ABL1: variants seen among roughly 807,000 people sequenced by gnomAD.
ABL1 encodes the protein ABL proto-oncogene 1, non-receptor tyrosine kinase.
In ABL1, 11 loss-of-function variants were observed where a neutral mutation model predicts 94.7. The ratio of observed to expected loss-of-function variants is 0.12; its 90% CI spans 0.07 to 0.19. The LOEUF (loss-of-function observed/expected upper bound fraction) is 0.19, where lower values mean the gene tolerates loss of function less well. Ranked by LOEUF, ABL1 falls within the 10% of genes least tolerant of loss-of-function variation. ABL1 has a pLI of 1.00. For synonymous variants in ABL1, 656 were observed against 622.4 expected (o/e 1.05, Z -0.80); for missense variants, 1,082 against 1,489.4 (o/e 0.73, Z 4.50).
chr9:130,816,025 TATAA>T (rs1830281661), intron 1 of ABL1, among the ~76,000 whole-genome samples: 1 of 152,030 alleles, frequency 6.6e-6, no homozygotes, highest in Admixed American at 6.6e-5. Context: ...TCTCAAAAAA[TATAA>T]ATAAATAAAC....
At chr9:130,725,417 G>T (rs1319353278) in intron 1 of ABL1, among the ~76,000 whole-genome samples, 1 of 152,098 alleles carries the variant, frequency 6.6e-6, no homozygotes, top group Admixed American at 6.6e-5. Flanking sequence ...TTTTGCTCTT[G>T]TTGCCCAGGC....
At position 130,755,201 on chromosome 9, in the gene ABL1, G is replaced by A. The variant is rs1364466517; in HGVS notation, c.136+40746G>A. Among the ~76,000 whole-genome samples the A allele has an allele frequency of 2.0e-5, 3 of 152,308 alleles. No homozygotes were observed. The East Asian group carries it at 5.8e-4, about 29-fold the overall frequency. The stretch of plus-strand genomic sequence containing the variant: ...AAATTATTCTGTAATCTGAATTTAG[G>A]TTGGGAGTGGAAAGGAGTACCCTTA... On this transcript the variant is annotated intron_variant, in intron 1 of 10. Coordinates refer to the ABL1 transcript ENST00000372348.
chr9:130,811,601 C>A (rs1000338112), intron 1 of ABL1, among the ~76,000 whole-genome samples: 9 of 151,938 alleles, frequency 5.9e-5, no homozygotes, highest in Non-Finnish European at 1.3e-4. Context: ...ATGATAAAAT[C>A]TATAGTAGCA....
chr9:130,806,849 A>G (rs1428451867), intron 1 of ABL1, among the ~76,000 whole-genome samples: 1 of 152,108 alleles, frequency 6.6e-6, no homozygotes, highest in Non-Finnish European at 1.5e-5. Flanking sequence ...TTTCATCATT[A>G]TTTTAAAAAA....
chr9:130,808,760 A>G (rs760857826), intron 1 of ABL1, among the ~76,000 whole-genome samples: 1 of 152,194 alleles, frequency 6.6e-6, no homozygotes, highest in Non-Finnish European at 1.5e-5. Flanking sequence ...TGTATACTCA[A>G]CTACTTATCT....
intron 1 of ABL1, among the ~76,000 whole-genome samples, chr9:130,750,411 C>CCCTT (rs1831946237): frequency 1.5e-4 from 3 of 20,036 alleles, no homozygotes; most frequent in African/African-American, 7.4e-4. Flanking sequence ...CTCCCTCCCT[C>CCCTT]CCTCCCTCCC....
In ABL1 at chr9:130,880,141, A is replaced by G. The variant is rs2227985; in HGVS notation, c.1497A>G (p.Glu499=). ...IHQAFETMFQ[E]SSISDEVEKE... is the part of the protein sequence containing the mutation. ...AAGCCTTTGAAACAATGTTCCAGGAATCCAGTATCTCAGACGGTAAAGTAC... is the reference window on the plus strand; with the variant it reads ...AAGCCTTTGAAACAATGTTCCAGGAGTCCAGTATCTCAGACGGTAAAGTAC... The change falls in exon 9 of 11, where the codon GAA becomes GAG. Residue 499 remains glutamate (E), a synonymous_variant. Transcript: ENST00000318560. The surrounding 1 kb of genome is among the most constrained non-coding windows in gnomAD (Gnocchi z 4.4). 0.075 allele frequency: 120,353 copies of G among 1,613,902 alleles called. 5,330 individuals carry two copies. Among genetic ancestry groups the G allele is most frequent in the African/African-American group, 0.18 (13,295 of 74,952 alleles).
exon 1 of ABL1, among the ~76,000 whole-genome samples, chr9:130,713,439 C>T (rs1037438482): frequency 2.0e-5 from 3 of 152,128 alleles, no homozygotes; most frequent in Admixed American, 6.5e-5. Flanking sequence ...GGAAGAGCGT[C>T]GCCCCGGAGT....
intron 10 of ABL1, among the ~76,000 whole-genome samples, chr9:130,883,537 C>CTGAAGA (rs978899043): frequency 6.6e-6 from 1 of 152,062 alleles, no homozygotes; most frequent in African/African-American, 2.4e-5. Context: ...GTCTCTTTCC[C>CTGAAGA]TGAAGATGGG....
At chr9:130,798,966 C>CA (rs71389357) in intron 1 of ABL1, among the ~76,000 whole-genome samples, 2,270 of 66,500 alleles carry the variant, frequency 0.034, 113 homozygotes, top group East Asian at 0.28. Flanking sequence ...GACTCCGTCT[C>CA]AAAAAAAAAA....
Position 130,862,640 on chromosome 9 carries a change from G to A in ABL1, c.550-123G>A. The A allele has an allele frequency of 9.3e-7, 1 of 1,072,352 alleles. No individual in the cohort carries two copies. Among genetic ancestry groups the A allele is most frequent in the Non-Finnish European group, 1.3e-6 (1 of 750,846 alleles). The allele number at this position is 1,072,352 out of a possible 1,614,324, so 66.4% of individuals were successfully genotyped here. On this transcript the variant is annotated intron_variant, in intron 3 of 10. Transcript: ENST00000318560. The surrounding 1 kb of genome is among the most constrained non-coding windows in gnomAD (Gnocchi z 5.5). ...TGATCTTCTAAACACTCTGTCCTGTGTGGAGAGCTCCTTATGTGAGATTTT... is the reference window on the plus strand; with the variant it reads ...TGATCTTCTAAACACTCTGTCCTGTATGGAGAGCTCCTTATGTGAGATTTT...
intron 1 of ABL1, among the ~76,000 whole-genome samples, chr9:130,804,560 G>A (rs561664071): frequency 6.6e-6 from 1 of 152,178 alleles, no homozygotes; most frequent in South Asian, 2.1e-4. Flanking sequence ...CTCCAGCCTG[G>A]GCAACAAGAG....
At chr9:130,726,839 C>T (rs1831592790) in intron 1 of ABL1, among the ~76,000 whole-genome samples, 1 of 152,186 alleles carries the variant, frequency 6.6e-6, no homozygotes, top group Admixed American at 6.5e-5. Flanking sequence ...CGATTCCAAA[C>T]CCTTCTTGTC....
chr9:130,879,982 C>T, intron 8 of ABL1, 86 bp from the exon 9 acceptor site: 1 of 1,273,112 alleles, frequency 7.9e-7, no homozygotes, highest in Non-Finnish European at 1.1e-6. Context: ...ATGTTGCTTT[C>T]ATTCTAGACT....
chr9:130,873,722 C>T (rs1454567906), intron 6 of ABL1, among the ~76,000 whole-genome samples: 1 of 152,196 alleles, frequency 6.6e-6, no homozygotes, highest in African/African-American at 2.4e-5. Flanking sequence ...GGCTTCCCAG[C>T]AAAGCGACGG....
At chr9:130,725,456 C>T (rs1831569193) in intron 1 of ABL1, among the ~76,000 whole-genome samples, 1 of 152,206 alleles carries the variant, frequency 6.6e-6, no homozygotes, top group Non-Finnish European at 1.5e-5. Context: ...TCTCGGCTCA[C>T]TGCAACCTCT....
chr9:130,735,959 A>T (rs2033999), intron 1 of ABL1, among the ~76,000 whole-genome samples: 26,332 of 81,550 alleles, frequency 0.32, 3,458 homozygotes, highest in Middle Eastern at 0.53. Context: ...ATATATATAT[A>T]TATTTTTTTT....
upstream of ABL1, chr9:130,834,970 C>G: frequency 2.2e-6 from 1 of 453,334 alleles, no homozygotes; most frequent in South Asian, 1.6e-5. Flanking sequence ...TGGAGTTGCG[C>G]GCGGCTTCTA....
In ABL1 at chr9:130,872,270, C is replaced by T. The variant is rs995044558; in HGVS notation, c.907+57C>T. ...CTCGCGCCGCACCCCCAGGGTGACA[C>T]AGGCGCTGGGGAAGACGCACGGGCG... On this transcript the variant is annotated intron_variant, in intron 5 of 10. Transcript: ENST00000318560. This position sits in a 1 kb window ranked among gnomAD's most constrained non-coding sequence, Gnocchi z 5.0. 1 of 1,520,106 alleles carries T rather than the reference C, an allele frequency of 6.6e-7. No individual in the cohort carries two copies. Among genetic ancestry groups the T allele is most frequent in the African/African-American group, 1.4e-5 (1 of 72,880 alleles). The allele number at this position is 1,520,106 out of a possible 1,614,324, so 94.2% of individuals were successfully genotyped here. A position where few individuals can be genotyped will look rare whatever the true frequency, so the allele number is the denominator to read the frequency against.
Sources: allele counts gnomAD v4.1 joint callset (sites outside exome capture counted in the v4.1 genomes callset), GRCh38; gene constraint gnomAD v4.1.1; non-coding constraint Gnocchi (gnomAD v3.1); transcripts MANE v1.5; gene names NCBI Gene and HGNC (gene_info 2026-07-23, HGNC 2026-07-21).